Variants in KCNAB1 observed in about 807,000 individuals in gnomAD.
The protein encoded by KCNAB1 is potassium voltage-gated channel subfamily A regulatory beta subunit 1, also known as voltage-gated potassium channel subunit beta-1.
Under a neutral mutation model 64.6 loss-of-function variants are expected in KCNAB1, and 35 were observed. The ratio of observed to expected loss-of-function variants is 0.54; its 90% confidence interval spans 0.41 to 0.72. The LOEUF is 0.72. Ranked by LOEUF, KCNAB1 falls within the 30% of genes least tolerant of loss-of-function variation. The probability of loss-of-function intolerance (pLI) is 0.00; values close to 1 mark genes in which losing one functional copy is unlikely to be tolerated. For missense variants in KCNAB1, 401 were observed against 512.9 expected (o/e 0.78, Z 2.11); for synonymous variants, 177 against 183.8 (o/e 0.96, Z 0.30).
At chr3:156,133,052 G>C (rs963209960) in intron 1 of KCNAB1, among the ~76,000 whole-genome samples, 2 of 152,160 alleles carry the variant, frequency 1.3e-5, no homozygotes, top group African/African-American at 4.8e-5. Context: ...AAAAATCAAA[G>C]CCTAAGGTAC....
intron 1 of KCNAB1, among the ~76,000 whole-genome samples, chr3:156,219,508 A>T (rs1245274474): frequency 2.0e-5 from 3 of 152,104 alleles, no homozygotes; most frequent in African/African-American, 2.4e-5. Flanking sequence ...GAGGAAGAAG[A>T]GGAATCTAAA....
At chr3:156,136,429 T>C (rs541378716) in intron 1 of KCNAB1, among the ~76,000 whole-genome samples, 1 of 152,294 alleles carries the variant, frequency 6.6e-6, no homozygotes, top group East Asian at 1.9e-4. Flanking sequence ...TCTACTATAC[T>C]GTACTCTCTG....
In KCNAB1 at chr3:156,353,519, TGGGCACCAGG is replaced by T. The variant is rs1724993923; in HGVS notation, c.276-68096_276-68087del. Among the ~76,000 whole-genome samples the T allele has an allele frequency of 9.2e-5, 14 of 152,380 alleles. No individual in the cohort carries two copies. The South Asian group carries it at 2.9e-3, about 32-fold the overall frequency. On this transcript the variant is annotated intron_variant, in intron 1 of 13. Transcript: ENST00000490337. ...GCCACATTTAATGTCTCACAGTTTC[TGGGCACCAGG>T]AATCCAGGTGGCTTAGCTGGGTCCT...
intron 1 of KCNAB1, among the ~76,000 whole-genome samples, chr3:156,164,236 A>C (rs1418777250): frequency 6.6e-6 from 1 of 152,190 alleles, no homozygotes; most frequent in Non-Finnish European, 1.5e-5. Flanking sequence ...ATGTAAGGTG[A>C]ATGCTTGAGA....
In KCNAB1 at chr3:156,209,282, C is replaced by A. The variant is rs1045942929; in HGVS notation, c.275+88396C>A. On this transcript the variant is annotated intron_variant, in intron 1 of 13. Coordinates refer to ENST00000490337, the MANE Select transcript of KCNAB1 (RefSeq NM_172160.3). The stretch of plus-strand genomic sequence containing the variant: ...ATTAGGGTGGGTACTCTAGGCAGAG[C>A]AAATAGCATGTGCAAAGGTACTATG... Among the ~76,000 whole-genome samples the A allele has an allele frequency of 1.1e-4, 16 of 152,256 alleles. 1 individual carries two copies. The highest frequency in any genetic ancestry group is 3.9e-4 in the African/African-American group (16 of 41,554).
At chr3:156,443,778 ACAC>A (rs1190628881) in intron 2 of KCNAB1, among the ~76,000 whole-genome samples, 24 of 144,208 alleles carry the variant, frequency 1.7e-4, no homozygotes, top group Non-Finnish European at 2.1e-4. Flanking sequence ...ACACACACAC[ACAC>A]TATTCTTTAC....
At chr3:156,401,611 A>C (rs1713893632) in intron 1 of KCNAB1, among the ~76,000 whole-genome samples, 1 of 152,204 alleles carries the variant, frequency 6.6e-6, no homozygotes, top group Non-Finnish European at 1.5e-5. Flanking sequence ...TCTTTGTCTA[A>C]CAATTAGAAC....
At chr3:156,334,565 A>T (rs944810023) in intron 1 of KCNAB1, among the ~76,000 whole-genome samples, 2 of 152,228 alleles carry the variant, frequency 1.3e-5, no homozygotes, top group Non-Finnish European at 2.9e-5. Flanking sequence ...GTTCCAACAC[A>T]TCGTGATTGT....
intron 1 of KCNAB1, among the ~76,000 whole-genome samples, chr3:156,398,594 A>G (rs1713656132): frequency 6.6e-6 from 1 of 151,332 alleles, no homozygotes; most frequent in African/African-American, 2.4e-5. Flanking sequence ...CCGTCTCAAA[A>G]AAAAAAAAAA....
chr3:156,132,174 A>C (rs1714034867), intron 1 of KCNAB1, among the ~76,000 whole-genome samples: 1 of 152,178 alleles, frequency 6.6e-6, no homozygotes, highest in Admixed American at 6.6e-5. Context: ...AGACCAAGGT[A>C]TTCCTTTACT....
intron 1 of KCNAB1, among the ~76,000 whole-genome samples, chr3:156,218,397 C>T (rs1576615489): frequency 6.6e-6 from 1 of 152,304 alleles, no homozygotes; most frequent in South Asian, 2.1e-4. Context: ...AACTGGTGGT[C>T]TTTCTCTACC....
At chr3:156,502,812 T>C (rs894410898) in intron 8 of KCNAB1, among the ~76,000 whole-genome samples, 1 of 152,200 alleles carries the variant, frequency 6.6e-6, no homozygotes. Flanking sequence ...AACCTAGTAA[T>C]GATAAAACTT....
intron 1 of KCNAB1, among the ~76,000 whole-genome samples, chr3:156,203,703 G>A (rs1714482363): frequency 6.6e-6 from 1 of 152,114 alleles, no homozygotes; most frequent in Non-Finnish European, 1.5e-5. Flanking sequence ...GTACCCAAAG[G>A]CTATTTGCTG....
chr3:156,404,659 T>G (rs1023828381), intron 1 of KCNAB1, among the ~76,000 whole-genome samples: 2 of 152,196 alleles, frequency 1.3e-5, no homozygotes, highest in African/African-American at 4.8e-5. Context: ...TTGGGGAAGT[T>G]AAGCAACTAT....
chr3:156,462,563 G>C (rs1294024302), intron 5 of KCNAB1, among the ~76,000 whole-genome samples: 1 of 152,114 alleles, frequency 6.6e-6, no homozygotes, highest in Admixed American at 6.6e-5. Context: ...CTTTTGGGGG[G>C]ATTCACTTCA....
chr3:156,471,757 C>T (rs1713918366), intron 7 of KCNAB1, among the ~76,000 whole-genome samples: 1 of 152,262 alleles, frequency 6.6e-6, no homozygotes, highest in East Asian at 1.9e-4. Context: ...GTAAATGGCT[C>T]TTAAGGAGAT....
At chr3:156,461,497 C>G (rs549050318) in intron 5 of KCNAB1, among the ~76,000 whole-genome samples, 8 of 152,308 alleles carry the variant, frequency 5.3e-5, no homozygotes, top group South Asian at 4.1e-4. Flanking sequence ...TGCAGTGATC[C>G]TATTTCCAAA....
intron 1 of KCNAB1, among the ~76,000 whole-genome samples, chr3:156,136,012 A>G (rs1714324144): frequency 1.3e-5 from 2 of 152,184 alleles, no homozygotes; most frequent in South Asian, 4.1e-4. Context: ...TCCATTTTGT[A>G]CTCATGCAGC....
chr3:156,367,670 T>G (rs936522791), intron 1 of KCNAB1, among the ~76,000 whole-genome samples: 2 of 152,244 alleles, frequency 1.3e-5, no homozygotes, highest in Non-Finnish European at 2.9e-5. Context: ...TGGAAATGGC[T>G]ATAGCAGCAA....
Sources: gnomAD v4.1 joint callset for allele counts (sites outside exome capture counted in the v4.1 genomes callset) on GRCh38, gnomAD v4.1.1 for gene constraint, MANE v1.5 for transcripts, NCBI Gene and HGNC (gene_info 2026-07-23, HGNC 2026-07-21) for gene names.